The following CEP85L variants were observed in gnomAD, a reference collection of about 807,000 sequenced individuals.
CEP85L encodes the protein centrosomal protein of 85 kDa-like.
A neutral mutation model predicts 100.3 loss-of-function variants in CEP85L; 60 were observed. The ratio of observed to expected loss-of-function variants is 0.60; its 90% CI spans 0.49 to 0.74. The LOEUF is 0.74. Ranked by LOEUF, CEP85L falls within the 30% of genes least tolerant of loss-of-function variation. The pLI, the probability that CEP85L is intolerant of heterozygous loss-of-function variation, is 0.00. For synonymous variants in CEP85L, 319 were observed against 322.7 expected (o/e 0.99, Z 0.12); for missense variants, 973 against 936.2 (o/e 1.04, Z -0.51).
In CEP85L at chr6:118,620,309, T is replaced by C. The variant is rs75550335; in HGVS notation, c.232+12144A>G. 3.7e-3 allele frequency among the ~76,000 whole-genome samples: 562 copies of C among 152,160 alleles called. 3 individuals are homozygous for C. Among genetic ancestry groups the C allele is most frequent in the African/African-American group, 0.013 (536 of 41,492 alleles). On this transcript the variant is annotated intron_variant, in intron 2 of 12. Coordinates refer to ENST00000368491, the MANE Select transcript of CEP85L (RefSeq NM_001042475.3). ...TAAACCTGGTGACCTTGGTGTTCTA[T>C]AAAATGGACCGAGAGGAACAGGCCA... is the stretch of plus-strand genomic sequence containing the variant.
At position 118,597,992 on chromosome 6, in the gene CEP85L, T is replaced by C. The variant is rs372236572; in HGVS notation, c.233-31676A>G. Among the ~76,000 whole-genome samples, 8 of 152,304 alleles carry C rather than the reference T, an allele frequency of 5.3e-5. No individual in the cohort carries two copies. The East Asian group carries it at 1.5e-3, about 29-fold the overall frequency. Reference sequence around the variant, plus strand: ...ATTATTGAGTTTTGAAGCCAAAGCTTCAAAAAATAAAAGAGTTTGTCTGTG... The same window carrying C: ...ATTATTGAGTTTTGAAGCCAAAGCTCCAAAAAATAAAAGAGTTTGTCTGTG... On this transcript the variant is annotated intron_variant, in intron 2 of 12. Coordinates refer to ENST00000368491, the MANE Select transcript of CEP85L (RefSeq NM_001042475.3).
At chr6:118,601,923 C>A (rs971170502) in intron 2 of CEP85L, among the ~76,000 whole-genome samples, 2 of 152,158 alleles carry the variant, frequency 1.3e-5, no homozygotes, top group African/African-American at 4.8e-5. Context: ...TTGTACTGAC[C>A]TCCTATCTCA....
intron 4 of CEP85L, among the ~76,000 whole-genome samples, chr6:118,521,660 G>A (rs372485969): frequency 2.6e-5 from 4 of 152,014 alleles, no homozygotes; most frequent in East Asian, 3.9e-4. Context: ...AAGAGACTTC[G>A]TATGCTTCAT....
chr6:118,654,066 A>T (rs1201402411), upstream of CEP85L, among the ~76,000 whole-genome samples: 2 of 152,226 alleles, frequency 1.3e-5, no homozygotes, highest in Non-Finnish European at 2.9e-5. Context: ...CAGATTGTGC[A>T]AACATCATCT....
At chr6:118,503,436 T>C (rs1775435798) in intron 5 of CEP85L, among the ~76,000 whole-genome samples, 1 of 152,164 alleles carries the variant, frequency 6.6e-6, no homozygotes, top group Non-Finnish European at 1.5e-5. Context: ...TTCAATGAAC[T>C]GATTCTAAGT....
At chr6:118,619,634 T>C (rs554498353) in intron 2 of CEP85L, among the ~76,000 whole-genome samples, 2 of 152,214 alleles carry the variant, frequency 1.3e-5, no homozygotes, top group South Asian at 4.1e-4. Context: ...TTACAAGCAG[T>C]AGGAGGAGAA....
At chr6:118,656,865 A>C (rs1449462745), upstream of CEP85L, 6 of 152,228 alleles carry the variant, frequency 3.9e-5, no homozygotes, top group Admixed American at 3.9e-4. Context: ...ATCCCCAGCC[A>C]GTGACAAAGC....
At chr6:118,660,937 G>A (rs576582871) in intron 1 of CEP85L, among the ~76,000 whole-genome samples, 1 of 151,772 alleles carries the variant, frequency 6.6e-6, no homozygotes, top group South Asian at 2.1e-4. Context: ...CTGGACTGGA[G>A]TACAATGGCA....
intron 1 of CEP85L, among the ~76,000 whole-genome samples, chr6:118,644,189 G>A (rs542720356): frequency 6.6e-6 from 1 of 152,278 alleles, no homozygotes; most frequent in East Asian, 1.9e-4. Flanking sequence ...TTACATGGCT[G>A]CCTGGAAGCA....
intron 1 of CEP85L, among the ~76,000 whole-genome samples, chr6:118,634,236 A>G (rs1359085882): frequency 8.6e-6 from 1 of 115,770 alleles, no homozygotes; most frequent in Non-Finnish European, 1.9e-5. Context: ...AAACGTGCAT[A>G]AAATTAATTA....
chr6:118,460,793 T>G lies in CEP85L; in HGVS notation c.*4612A>C, dbSNP rs558080392. The G allele has an allele frequency of 3.9e-5, 6 of 152,320 alleles. No individual in the cohort carries two copies. The South Asian group carries it at 1.2e-3, about 32-fold the overall frequency. 9.4% of individuals were successfully genotyped at this position (152,320 alleles called of 1,614,324 possible). A position where few individuals can be genotyped will look rare whatever the true frequency, so the allele number is the denominator to read the frequency against. The stretch of plus-strand genomic sequence containing the variant: ...TAAATCTTTTTATAAAAAATTTATT[T>G]CTCTGTAAATACAAATTCCAACATC... On this transcript the variant is annotated 3_prime_UTR_variant, in exon 13 of 13. Transcript: ENST00000368491.
rs927636869 is a variant in CEP85L at position 118,608,645 on chromosome 6, T to G, written c.232+23808A>C. 1.4e-4 allele frequency among the ~76,000 whole-genome samples: 21 copies of G among 152,302 alleles called. 3 individuals are homozygous for G. The highest frequency in any genetic ancestry group is 7.2e-4 in the Admixed American group (11 of 15,304). On this transcript the variant is annotated intron_variant, in intron 2 of 12. Coordinates refer to ENST00000368491, the MANE Select transcript of CEP85L (RefSeq NM_001042475.3). ...TACCACATTTTTCAGGCCTAATACT[T>G]CCCTGCTGCTTTAAAATGCTGTCTT...
chr6:118,581,120 G>T (rs1780551325), intron 2 of CEP85L, among the ~76,000 whole-genome samples: 1 of 152,126 alleles, frequency 6.6e-6, no homozygotes, highest in South Asian at 2.1e-4. Flanking sequence ...TTCCAGGAAT[G>T]GGAAAATTCT....
chr6:118,497,947 C>G (rs1033207168), intron 5 of CEP85L, among the ~76,000 whole-genome samples: 2 of 152,088 alleles, frequency 1.3e-5, no homozygotes, highest in Non-Finnish European at 2.9e-5. Context: ...TATACATATG[C>G]TTATGAATAA....
intron 12 of CEP85L, among the ~76,000 whole-genome samples, chr6:118,467,421 T>C (rs1467017561): frequency 6.6e-6 from 1 of 152,124 alleles, no homozygotes; most frequent in Non-Finnish European, 1.5e-5. Flanking sequence ...GAGAATGATG[T>C]CATGGAAACC....
At chr6:118,692,580 A>G (rs189958382) in intron 1 of CEP85L, among the ~76,000 whole-genome samples, 4 of 152,300 alleles carry the variant, frequency 2.6e-5, no homozygotes, top group Admixed American at 2.0e-4. Flanking sequence ...GCATAAATGT[A>G]TCACGCCAAT....
In CEP85L at chr6:118,689,945, G is replaced by A. The variant is rs572580741; in HGVS notation, c.-28+20091C>T. On this transcript the variant is annotated intron_variant, in intron 1 of 13. Transcript: ENST00000368488. ...TTTTTTTTTTTTTTAATAGGGCTAG[G>A]GTCCCACTATGTTGCCCAGGCTGGT... Among the ~76,000 whole-genome samples, 13 of 146,898 alleles carry A rather than the reference G, an allele frequency of 8.8e-5. No individual in the cohort carries two copies. In the South Asian group the frequency reaches 1.3e-3, roughly 15 times the overall value.
chr6:118,571,970 C>T (rs566223685), intron 2 of CEP85L, among the ~76,000 whole-genome samples: 1 of 152,186 alleles, frequency 6.6e-6, no homozygotes, highest in Non-Finnish European at 1.5e-5. Context: ...GATTCTCCTG[C>T]CTCAGCCTCC....
At chr6:118,668,429 G>A (rs915258511) in intron 1 of CEP85L, among the ~76,000 whole-genome samples, 1 of 152,180 alleles carries the variant, frequency 6.6e-6, no homozygotes, top group African/African-American at 2.4e-5. Flanking sequence ...GTTTAATAAA[G>A]TATGCCTTCA....
Sources: allele counts gnomAD v4.1 joint callset (sites outside exome capture counted in the v4.1 genomes callset), GRCh38; gene constraint gnomAD v4.1.1; transcripts MANE v1.5; gene names NCBI Gene and HGNC (gene_info 2026-07-23, HGNC 2026-07-21).